KIF26B: variants seen among roughly 807,000 people sequenced by gnomAD.
KIF26B encodes kinesin-like protein KIF26B.
KIF26B carries 63 observed loss-of-function variants against 151.2 expected under a neutral mutation model. That is an observed-to-expected ratio of 0.42 (90% CI 0.34 to 0.51). The LOEUF is 0.51. Among genes scored for constraint, KIF26B ranks in the 20% least tolerant of loss-of-function variants. KIF26B has a pLI of 0.07. For missense variants in KIF26B, 2,813 were observed against 2,913.6 expected (o/e 0.97, Z 0.79); for synonymous variants, 1,357 against 1,262.1 (o/e 1.08, Z -1.59).
chr1:245,566,071 A>T (rs1422752067), intron 5 of KIF26B, among the ~76,000 whole-genome samples: 1 of 152,252 alleles, frequency 6.6e-6, no homozygotes, highest in African/African-American at 2.4e-5. Flanking sequence ...TAAGCCATTC[A>T]TAAGGGATCT....
chr1:245,521,132 T>C (rs1378363590), intron 4 of KIF26B, among the ~76,000 whole-genome samples: 2 of 152,086 alleles, frequency 1.3e-5, no homozygotes, highest in Non-Finnish European at 2.9e-5. Flanking sequence ...GGTCAGGAGA[T>C]CAAGACCATC....
chr1:245,606,459 C>T lies in KIF26B; in HGVS notation c.1558-1192C>T, dbSNP rs967565594. On this transcript the variant is annotated intron_variant, in intron 6 of 14. Transcript: ENST00000407071. This position sits in a 1 kb window ranked among gnomAD's most constrained non-coding sequence, Gnocchi z 4.6. ...CAGAAATGAAAGCAACAGGGCACAG[C>T]GAATAATGCTATCTTTCTGCTTCTG... Among the ~76,000 whole-genome samples, 11 of 151,464 alleles carry T rather than the reference C, an allele frequency of 7.3e-5. No homozygotes were observed. Among genetic ancestry groups the T allele is most frequent in the South Asian group, 6.2e-4 (3 of 4,828 alleles).
At chr1:245,329,669 C>T (rs1034864145) in intron 2 of KIF26B, among the ~76,000 whole-genome samples, 3 of 152,222 alleles carry the variant, frequency 2.0e-5, no homozygotes, top group Admixed American at 6.5e-5. Flanking sequence ...CTGCCCCTTT[C>T]CAGGCTCCCA....
intron 9 of KIF26B, among the ~76,000 whole-genome samples, chr1:245,614,148 G>A (rs2043558533): frequency 6.6e-6 from 1 of 152,056 alleles, no homozygotes; most frequent in Admixed American, 6.6e-5. Context: ...TCTGGTTCCT[G>A]CTGCCTGTTC....
At chr1:245,156,203 T>C (rs67160917) in intron 1 of KIF26B, 79 bp from the exon 2 acceptor site, 155,237 of 1,487,164 alleles carry the variant, frequency 0.1, 8,824 homozygotes, top group South Asian at 0.14. Flanking sequence ...GGGTACTTGG[T>C]GGCGCACGTA....
At chr1:245,626,833 A>G (rs969435785) in intron 9 of KIF26B, among the ~76,000 whole-genome samples, 3 of 152,060 alleles carry the variant, frequency 2.0e-5, no homozygotes, top group East Asian at 1.9e-4. Context: ...CATTTCCCCT[A>G]TGTTTTCATC....
chr1:245,187,638 C>T (rs1270597095), intron 2 of KIF26B, among the ~76,000 whole-genome samples: 1 of 152,146 alleles, frequency 6.6e-6, no homozygotes, highest in Non-Finnish European at 1.5e-5. Context: ...AGTCTCAGTA[C>T]ACCCACCTGT....
rs1384614779 is a variant in KIF26B, at chr1:245,318,653, C to A, written c.466-48181C>A. ...AAGCAGCAAGGATGAGTTCGGGAGA[C>A]TCTGGCATATGCATCAGAGTTCCAG... On this transcript the variant is annotated intron_variant, in intron 2 of 14. Coordinates refer to ENST00000407071, the MANE Select transcript of KIF26B (RefSeq NM_018012.4). The surrounding 1 kb of genome is among the most constrained non-coding windows in gnomAD (Gnocchi z 4.0). Among the ~76,000 whole-genome samples, 8 of 152,150 alleles carry A rather than the reference C, an allele frequency of 5.3e-5. No homozygotes were observed. The highest frequency in any genetic ancestry group is 1.0e-4 in the Non-Finnish European group (7 of 68,032).
chr1:245,269,416 T>C (rs145256248), intron 2 of KIF26B, among the ~76,000 whole-genome samples: 212 of 151,948 alleles, frequency 1.4e-3, no homozygotes, highest in African/African-American at 4.8e-3. Context: ...TTTCACTTAG[T>C]ATAATGGCCT....
At chr1:245,694,905 G>A (rs1469230924) in intron 12 of KIF26B, among the ~76,000 whole-genome samples, 1 of 152,222 alleles carries the variant, frequency 6.6e-6, no homozygotes, top group Non-Finnish European at 1.5e-5. Flanking sequence ...TGATGAGCAG[G>A]GAGGGGTTGA....
intron 12 of KIF26B, among the ~76,000 whole-genome samples, chr1:245,691,202 A>G (rs1470032438): frequency 6.6e-6 from 1 of 152,070 alleles, no homozygotes; most frequent in Non-Finnish European, 1.5e-5. Flanking sequence ...GTTACAGTGG[A>G]GTAAAGAGGA....
At chr1:245,510,610 CTCTCTT>C (rs771463875) in intron 4 of KIF26B, among the ~76,000 whole-genome samples, 14 of 124,226 alleles carry the variant, frequency 1.1e-4, no homozygotes, top group South Asian at 2.6e-4. Context: ...CTCTCTCTCT[CTCTCTT>C]CCCCTCTCTC....
At chr1:245,230,683 T>C (rs1226122020) in intron 2 of KIF26B, among the ~76,000 whole-genome samples, 3 of 149,754 alleles carry the variant, frequency 2.0e-5, no homozygotes, top group African/African-American at 7.4e-5. Context: ...GCAGAGGTTG[T>C]GGTGAGCCAA....
At position 245,706,089 on chromosome 1, in the gene KIF26B, T is replaced by C. The variant is rs1213370592; in HGVS notation, c.*3483T>C. 2 of 152,176 alleles carry C rather than the reference T, an allele frequency of 1.3e-5. No homozygotes were observed. Among genetic ancestry groups the C allele is most frequent in the Admixed American group, 6.5e-5 (1 of 15,268 alleles). The allele number at this position is 152,176 out of a possible 1,614,324, so 9.4% of individuals were successfully genotyped here. On this transcript the variant is annotated 3_prime_UTR_variant, in exon 15 of 15. Transcript: ENST00000407071. ...AGCCAGGCATCGCAGCGTGGGGAAT[T>C]AGACAGGCAGGAATCTGGCCTGGTT...
chr1:245,398,145 T>C (rs936281128), intron 3 of KIF26B, among the ~76,000 whole-genome samples: 8 of 152,212 alleles, frequency 5.3e-5, no homozygotes, highest in African/African-American at 1.2e-4. Context: ...TTGGCTCTAC[T>C]GTGCTTCCAT....
At chr1:245,203,253 A>AAAAAAAAAAAG (rs1669337588) in intron 2 of KIF26B, among the ~76,000 whole-genome samples, 1 of 138,990 alleles carries the variant, frequency 7.2e-6, no homozygotes, top group Non-Finnish European at 1.5e-5. Flanking sequence ...TCTCAAAAAA[A>AAAAAAAAAAAG]AAAAAAGAAA....
chr1:245,268,489 AATAATAATAAT>A (rs1379248820), intron 2 of KIF26B, among the ~76,000 whole-genome samples: 3 of 144,248 alleles, frequency 2.1e-5, no homozygotes, highest in Non-Finnish European at 3.0e-5. Flanking sequence ...TAATAATAAT[AATAATAATAAT>A]AATAATAATA....
Position 245,633,119 on chromosome 1 carries a change from G to GT in KIF26B, c.2099-12996dup, listed in dbSNP as rs111358270. 9.1e-3 allele frequency among the ~76,000 whole-genome samples: 1,375 copies of GT among 151,776 alleles called. 16 individuals are homozygous for GT. The highest frequency in any genetic ancestry group is 0.032 in the African/African-American group (1,308 of 41,372). Reference sequence around the variant, plus strand: ...AATGACCTTATTTGTCACTTTTTATGTTTTTTGGCTAACATTGTATTTTGT... The same window carrying GT: ...AATGACCTTATTTGTCACTTTTTATGTTTTTTTGGCTAACATTGTATTTTGT... On this transcript the variant is annotated intron_variant, in intron 9 of 14. Transcript: ENST00000407071.
At chr1:245,440,118 G>A (rs1031618606) in intron 4 of KIF26B, among the ~76,000 whole-genome samples, 3 of 152,162 alleles carry the variant, frequency 2.0e-5, no homozygotes, top group Non-Finnish European at 4.4e-5. Flanking sequence ...CTACTCGGGA[G>A]GCTGAGGCAG....
Sources: allele counts gnomAD v4.1 joint callset (sites outside exome capture counted in the v4.1 genomes callset), GRCh38; gene constraint gnomAD v4.1.1; non-coding constraint Gnocchi (gnomAD v3.1); transcripts MANE v1.5; gene names NCBI Gene and HGNC (gene_info 2026-07-23, HGNC 2026-07-21).